The following ANKRD13A variants were observed in gnomAD, a reference collection of about 807,000 sequenced individuals.
The protein encoded by ANKRD13A is ankyrin repeat domain-containing protein 13A.
In ANKRD13A, 48 loss-of-function variants were observed where a neutral mutation model predicts 81.3. The ratio of observed to expected loss-of-function variants is 0.59; its 90% CI spans 0.47 to 0.75. The LOEUF (loss-of-function observed/expected upper bound fraction) is 0.75. Among genes scored for constraint, ANKRD13A ranks in the 30% least tolerant of loss-of-function variants. ANKRD13A has a pLI of 0.00. For missense variants in ANKRD13A, 612 were observed against 734.0 expected (o/e 0.83, Z 1.92); for synonymous variants, 230 against 270.1 (o/e 0.85, Z 1.45).
chr12:110,027,791 T>C (rs746192784), intron 9 of ANKRD13A, 25 bp downstream of exon 9: 10 of 1,612,538 alleles, frequency 6.2e-6, no homozygotes, highest in South Asian at 5.5e-5. Flanking sequence ...TGAGCTTTCA[T>C]TGCAGTTAGA....
At chr12:110,021,021 G>A in intron 6 of ANKRD13A, 2 of 400,612 alleles carry the variant, frequency 5.0e-6, no homozygotes, top group South Asian at 3.5e-5. Flanking sequence ...ATTCCTGGCT[G>A]TTACCCCACT....
chr12:110,019,357 T>C (rs745482035), intron 6 of ANKRD13A, 29 bp downstream of exon 6: 12 of 1,560,154 alleles, frequency 7.7e-6, no homozygotes, highest in Non-Finnish European at 8.7e-6. Context: ...AATTTTAATG[T>C]CTAATCCCCA....
chr12:110,037,247 A>T, intron 14 of ANKRD13A, 112 bp from the exon 15 acceptor site: 1 of 1,090,392 alleles, frequency 9.2e-7, no homozygotes, highest in South Asian at 1.5e-5. Context: ...CATCATGCAT[A>T]TTAAATGCCT....
In ANKRD13A at chr12:110,036,253, T is replaced by G. The variant is rs766085780; in HGVS notation, c.1510-8T>G. The stretch of plus-strand genomic sequence containing the variant: ...CGTATTCATGTCTATCACATTTGTC[T>G]TTGCCAGGAACTTTCAGGACCAGCT... On this transcript the variant is annotated splice_region_variant and splice_polypyrimidine_tract_variant and intron_variant, in intron 13 of 14. Transcript: ENST00000261739. The surrounding 1 kb of genome is among the most constrained non-coding windows in gnomAD (Gnocchi z 4.6). The G allele has an allele frequency of 2.5e-6, 4 of 1,613,790 alleles. No individual in the cohort carries two copies. The Admixed American group carries it at 6.7e-5, about 27-fold the overall frequency.
At chr12:110,016,808 T>G (rs897052343) in intron 4 of ANKRD13A, among the ~76,000 whole-genome samples, 1 of 152,176 alleles carries the variant, frequency 6.6e-6, no homozygotes, top group South Asian at 2.1e-4. Context: ...AGTCTCACTC[T>G]GTTGTCCAGG....
At chr12:110,030,881 G>A in intron 12 of ANKRD13A, 123 bp downstream of exon 12, 1 of 406,886 alleles carries the variant, frequency 2.5e-6, no homozygotes, top group Non-Finnish European at 4.3e-6. Flanking sequence ...GATCACCTGA[G>A]GTCGGGAGTT....
In ANKRD13A at chr12:110,019,978, C is replaced by T. The variant is rs550028830; in HGVS notation, c.734+650C>T. ...GCATGGGGGGGCCTTTGAGTAGAGG[C>T]TGTCAAAGCTGTTCGCTTGTTTCTA... On this transcript the variant is annotated intron_variant, in intron 6 of 14. Coordinates refer to ENST00000261739, the MANE Select transcript of ANKRD13A (RefSeq NM_033121.2). 2.6e-5 allele frequency among the ~76,000 whole-genome samples: 4 copies of T among 152,326 alleles called. No homozygotes were observed. The South Asian group carries it at 8.3e-4, about 32-fold the overall frequency.
rs987504919 is a variant in ANKRD13A, at chr12:110,038,930, T to C, written c.*1376T>C. The C allele has an allele frequency of 3.3e-5, 5 of 152,256 alleles. No individual in the cohort carries two copies. The highest frequency in any genetic ancestry group is 1.3e-4 in the Admixed American group (2 of 15,282). The allele number at this position is 152,256 out of a possible 1,614,324, so 9.4% of individuals were successfully genotyped here. A position where few individuals can be genotyped will look rare whatever the true frequency, so the allele number is the denominator to read the frequency against. On this transcript the variant is annotated 3_prime_UTR_variant, in exon 15 of 15. Transcript: ENST00000261739. ...TCCTCCATTTTGCGTCTATTTCTTC[T>C]ATTGTGCTTCTTTGGGGATAGGAAG... is the stretch of plus-strand genomic sequence containing the variant.
At position 110,028,790 on chromosome 12, in the gene ANKRD13A, T is replaced by G. The variant is rs1891503343; in HGVS notation, c.1076+148T>G. On this transcript the variant is annotated intron_variant, in intron 10 of 14. Transcript: ENST00000261739. Reference sequence around the variant, plus strand: ...TCTCGCTCTGTCGCCTAGGCTGGAGTGCAGTGGCACGAACTCGGCTCACTG... The same window carrying G: ...TCTCGCTCTGTCGCCTAGGCTGGAGGGCAGTGGCACGAACTCGGCTCACTG... The G allele has an allele frequency of 8.8e-6, 10 of 1,141,626 alleles. No homozygotes were observed. In the South Asian group the frequency reaches 1.2e-4, roughly 14 times the overall value. 70.7% of individuals were successfully genotyped at this position (1,141,626 alleles called of 1,614,324 possible).
rs375741955 is a variant in ANKRD13A at position 109,999,716 on chromosome 12, C to A, written c.28C>A (p.His10Asn). 51 of 1,539,588 alleles carry A rather than the reference C, an allele frequency of 3.3e-5. No individual in the cohort carries two copies. Among genetic ancestry groups the A allele is most frequent in the Non-Finnish European group, 4.0e-5 (46 of 1,141,640 alleles). Residue 10 changes from histidine (H) to asparagine (N), a missense_variant, in exon 1 of 15, where the codon CAC becomes AAC. His to Asn is a moderately conservative substitution (Grantham distance 68). Coordinates refer to ENST00000261739, the MANE Select transcript of ANKRD13A (RefSeq NM_033121.2). This position sits in a 1 kb window ranked among gnomAD's most constrained non-coding sequence, Gnocchi z 4.3. MSSACDAGD[H>N]YPLHLLVWKN... ...GTCCTCGGCCTGCGACGCGGGCGAC[C>A]ACTACCCCCTGCACCTCCTAGTCTG...
At chr12:110,031,029 C>T (rs1293260009) in intron 12 of ANKRD13A, among the ~76,000 whole-genome samples, 11 of 150,938 alleles carry the variant, frequency 7.3e-5, no homozygotes, top group African/African-American at 2.2e-4. Context: ...GGGGGAGAGG[C>T]GGGGGGATGG....
At position 110,036,173 on chromosome 12, in the gene ANKRD13A, T is replaced by C; in HGVS notation, c.1510-88T>C. ...ATAATGGTCATGGAAAGACTTTTAATTTGGTTCTTGCTGCCATCGTTTCCT... is the reference window on the plus strand; with the variant it reads ...ATAATGGTCATGGAAAGACTTTTAACTTGGTTCTTGCTGCCATCGTTTCCT... On this transcript the variant is annotated intron_variant, in intron 13 of 14. Transcript: ENST00000261739. This position sits in a 1 kb window ranked among gnomAD's most constrained non-coding sequence, Gnocchi z 4.6. 8.1e-7 allele frequency: 1 copy of C among 1,233,726 alleles called. No homozygotes were observed. The highest frequency in any genetic ancestry group is 1.2e-6 in the Non-Finnish European group (1 of 835,772). The allele number at this position is 1,233,726 out of a possible 1,614,324, so 76.4% of individuals were successfully genotyped here.
At chr12:110,027,655 G>T in intron 8 of ANKRD13A, 50 bp from the exon 9 acceptor site, 1 of 1,555,336 alleles carries the variant, frequency 6.4e-7, no homozygotes, top group South Asian at 1.1e-5. Context: ...TTTTTTTATA[G>T]CCACAAGTGA....
Position 110,021,229 on chromosome 12 carries a change from T to C in ANKRD13A, c.734+1901T>C, listed in dbSNP as rs1007432475. On this transcript the variant is annotated intron_variant, in intron 6 of 14. Coordinates refer to ENST00000261739, the MANE Select transcript of ANKRD13A (RefSeq NM_033121.2). ...GAATTAAATGTGTGCTTGTCGTGCA[T>C]TGAGCAAGAATTGAGCCACTCCTTA... is the stretch of plus-strand genomic sequence containing the variant. 6.8e-5 allele frequency: 30 copies of C among 444,092 alleles called. 1 individual carries two copies. The highest frequency in any genetic ancestry group is 4.7e-4 in the South Asian group (30 of 63,500). 27.5% of individuals were successfully genotyped at this position (444,092 alleles called of 1,614,324 possible).
chr12:110,016,008 G>A (rs1890782581), intron 3 of ANKRD13A, among the ~76,000 whole-genome samples: 1 of 148,752 alleles, frequency 6.7e-6, no homozygotes, highest in African/African-American at 2.5e-5. Flanking sequence ...CTGGAGTGCA[G>A]TGGTGCAATC....
At chr12:110,014,267 C>T (rs1890675213) in intron 3 of ANKRD13A, among the ~76,000 whole-genome samples, 1 of 151,962 alleles carries the variant, frequency 6.6e-6, no homozygotes, top group African/African-American at 2.4e-5. Context: ...AAAAAATTAG[C>T]CGGGTGTGGT....
chr12:110,027,999 T>G (rs922869841), intron 9 of ANKRD13A: 3 of 532,236 alleles, frequency 5.6e-6, no homozygotes, highest in Non-Finnish European at 1.0e-5. Context: ...GCTTTCCCTC[T>G]TATCCATTAT....
At chr12:110,013,632 A>G (rs779063482) in intron 3 of ANKRD13A, among the ~76,000 whole-genome samples, 7 of 151,960 alleles carry the variant, frequency 4.6e-5, no homozygotes, top group Non-Finnish European at 8.8e-5. Context: ...TTAGCAGGGC[A>G]TGGTAGTGCA....
chr12:110,020,797 C>T (rs1292758459), intron 6 of ANKRD13A, among the ~76,000 whole-genome samples: 3 of 152,186 alleles, frequency 2.0e-5, no homozygotes, highest in South Asian at 2.1e-4. Context: ...CAGCAGGGCT[C>T]CTAAATAACT....
Sources: allele counts gnomAD v4.1 joint callset (sites outside exome capture counted in the v4.1 genomes callset), GRCh38; gene constraint gnomAD v4.1.1; non-coding constraint Gnocchi (gnomAD v3.1); transcripts MANE v1.5; gene names NCBI Gene and HGNC (gene_info 2026-07-23, HGNC 2026-07-21).